FHIT: variants seen among roughly 807,000 people sequenced by gnomAD.
The protein encoded by FHIT is bis(5'-adenosyl)-triphosphatase.
In FHIT, 19 loss-of-function variants were observed where a neutral mutation model predicts 17.9. The ratio of observed to expected loss-of-function variants is 1.06; its 90% CI spans 0.74 to 1.56. The LOEUF (loss-of-function observed/expected upper bound fraction) is 1.56. Ranked by LOEUF, FHIT falls within the 40% of genes most tolerant of loss-of-function variation. FHIT has a pLI of 0.00. For synonymous variants in FHIT, 81 were observed against 69.7 expected (o/e 1.16, Z -0.81); for missense variants, 248 against 189.2 (o/e 1.31, Z -1.82).
chr3:61,096,277 T>C (rs1321075357), intron 2 of FHIT, among the ~76,000 whole-genome samples: 3 of 152,118 alleles, frequency 2.0e-5, no homozygotes, highest in African/African-American at 4.8e-5. Flanking sequence ...AAGTGTCTAA[T>C]TGATTGTGTG....
At chr3:60,284,935 T>C (rs907815509) in intron 5 of FHIT, among the ~76,000 whole-genome samples, 11 of 152,170 alleles carry the variant, frequency 7.2e-5, no homozygotes, top group South Asian at 2.1e-4. Flanking sequence ...ATTTTGATTA[T>C]TGTACCACCA....
chr3:60,871,469 T>C (rs1484086483), intron 3 of FHIT, among the ~76,000 whole-genome samples: 1 of 152,132 alleles, frequency 6.6e-6, no homozygotes, highest in Non-Finnish European at 1.5e-5. Flanking sequence ...CCACAACTTT[T>C]TCAGCACTAA....
At chr3:60,457,279 T>C (rs1175550083) in intron 5 of FHIT, among the ~76,000 whole-genome samples, 1 of 152,018 alleles carries the variant, frequency 6.6e-6, no homozygotes, top group Non-Finnish European at 1.5e-5. Context: ...TAATGTCACA[T>C]ATCTACAACC....
intron 5 of FHIT, among the ~76,000 whole-genome samples, chr3:60,280,923 C>T (rs1707398414): frequency 3.9e-5 from 2 of 51,648 alleles, no homozygotes; most frequent in African/African-American, 8.2e-5. Context: ...ATATGGCTGA[C>T]TATGTAGAAA....
At chr3:61,025,132 A>G (rs1456430408) in intron 3 of FHIT, among the ~76,000 whole-genome samples, 4 of 152,222 alleles carry the variant, frequency 2.6e-5, no homozygotes, top group Non-Finnish European at 5.9e-5. Flanking sequence ...ATCTGAAAAC[A>G]TTTCTTTCAG....
chr3:61,117,122 T>G (rs2036321173), intron 2 of FHIT, among the ~76,000 whole-genome samples: 1 of 152,166 alleles, frequency 6.6e-6, no homozygotes, highest in African/African-American at 2.4e-5. Flanking sequence ...TTTATTTAGT[T>G]AAGGATTCTG....
At chr3:59,949,967 G>T (rs759121757) in intron 7 of FHIT, among the ~76,000 whole-genome samples, 2 of 152,136 alleles carry the variant, frequency 1.3e-5, no homozygotes, top group African/African-American at 4.8e-5. Context: ...TCTTCCAAAG[G>T]AATTAAATCT....
At chr3:60,290,126 A>T (rs142155488) in intron 5 of FHIT, among the ~76,000 whole-genome samples, 15 of 152,124 alleles carry the variant, frequency 9.9e-5, no homozygotes, top group African/African-American at 3.6e-4. Context: ...CAGCATTCCA[A>T]TTTGACACCA....
At chr3:60,567,444 C>T (rs1344985758) in intron 4 of FHIT, among the ~76,000 whole-genome samples, 2 of 152,132 alleles carry the variant, frequency 1.3e-5, no homozygotes, top group Non-Finnish European at 2.9e-5. Context: ...ACACCTTATA[C>T]AAAAATTAAT....
intron 8 of FHIT, among the ~76,000 whole-genome samples, chr3:59,864,611 C>T (rs1905863): frequency 0.4 from 60,192 of 150,866 alleles, 14,677 homozygotes; most frequent in Admixed American, 0.52. Flanking sequence ...CAACCCGCAG[C>T]CCTATATCCT....
At chr3:60,026,831 G>A (rs1204494965) in intron 5 of FHIT, among the ~76,000 whole-genome samples, 1 of 152,072 alleles carries the variant, frequency 6.6e-6, no homozygotes, top group Non-Finnish European at 1.5e-5. Flanking sequence ...AGGTGTGGTG[G>A]CTCACGCCTG....
At chr3:60,737,123 C>T (rs1237406650) in intron 4 of FHIT, among the ~76,000 whole-genome samples, 3 of 152,176 alleles carry the variant, frequency 2.0e-5, no homozygotes, top group Non-Finnish European at 2.9e-5. Context: ...CAACATATTG[C>T]CACTGCCCCC....
At chr3:60,385,013 G>C (rs1036715234) in intron 5 of FHIT, among the ~76,000 whole-genome samples, 1 of 152,024 alleles carries the variant, frequency 6.6e-6, no homozygotes, top group East Asian at 1.9e-4. Context: ...ATATATTATG[G>C]CAAGGAAAAA....
chr3:60,061,979 G>A (rs1216685460), intron 5 of FHIT, among the ~76,000 whole-genome samples: 23 of 152,042 alleles, frequency 1.5e-4, no homozygotes, highest in Admixed American at 1.2e-3. Context: ...TGCTAGAAGG[G>A]GAAAAAATGA....
At chr3:60,590,536 G>A (rs1295804852) in intron 4 of FHIT, among the ~76,000 whole-genome samples, 2 of 152,108 alleles carry the variant, frequency 1.3e-5, no homozygotes, top group Non-Finnish European at 2.9e-5. Context: ...CTGTTTTAAT[G>A]TTATAAATAA....
intron 4 of FHIT, among the ~76,000 whole-genome samples, chr3:60,669,271 G>GA (rs2040456813): frequency 6.6e-6 from 1 of 152,136 alleles, no homozygotes; most frequent in Non-Finnish European, 1.5e-5. Flanking sequence ...GTTCATCCTT[G>GA]CAAATGGACA....
chr3:61,071,892 C>T (rs185973299), intron 2 of FHIT, among the ~76,000 whole-genome samples: 12 of 152,234 alleles, frequency 7.9e-5, no homozygotes, highest in African/African-American at 2.9e-4. Context: ...TCTAAATAGT[C>T]TCAATGCAAA....
chr3:60,016,110 A>G (rs1267082086), intron 5 of FHIT, among the ~76,000 whole-genome samples: 1 of 152,186 alleles, frequency 6.6e-6, no homozygotes, highest in African/African-American at 2.4e-5. Context: ...TTACTTCTGG[A>G]TCCTGTTTGC....
At chr3:60,173,430 C>A (rs1185254594) in intron 5 of FHIT, among the ~76,000 whole-genome samples, 1 of 152,112 alleles carries the variant, frequency 6.6e-6, no homozygotes, top group East Asian at 1.9e-4. Flanking sequence ...ATGCAGCTTT[C>A]CATTTTTTAG....
Sources: gnomAD v4.1 joint callset for allele counts (sites outside exome capture counted in the v4.1 genomes callset) on GRCh38, gnomAD v4.1.1 for gene constraint, MANE v1.5 for transcripts, NCBI Gene and HGNC (gene_info 2026-07-23, HGNC 2026-07-21) for gene names.